Variants in HDAC8 observed in about 807,000 individuals in gnomAD.
HDAC8 encodes the protein histone deacetylase-like 1.
A neutral mutation model predicts 32.2 loss-of-function variants in HDAC8; 1 was observed. The ratio of observed to expected loss-of-function variants is 0.03; its 90% CI spans 0.01 to 0.15. The LOEUF (loss-of-function observed/expected upper bound fraction) is 0.15, where lower values mean the gene tolerates loss of function less well. Among genes scored for constraint, HDAC8 ranks in the 10% least tolerant of loss-of-function variants. The pLI, the probability that HDAC8 is intolerant of heterozygous loss-of-function variation, is 1.00. For synonymous variants in HDAC8, 108 were observed against 113.9 expected (o/e 0.95, Z 0.33); for missense variants, 117 against 300.0 (o/e 0.39, Z 4.51).
At position 72,572,731 on chromosome X, in the gene HDAC8, C is replaced by G. The variant is rs377557673; in HGVS notation, c.31G>C (p.Gly11Arg). Residue 11 changes from glycine (G) to arginine (R), a missense_variant, in exon 1 of 11, where the codon GGG becomes CGG. This residue lies in a region of HDAC8 where 37 missense variants were observed against 53.1 expected (regional missense o/e 0.70). Coordinates refer to ENST00000373573, the MANE Select transcript of HDAC8 (RefSeq NM_018486.3). ...ATATAAACCGGGACCAGCGACTGCCCACTGTCCGCCGGTTCCTCCGGCTCC... is the reference window on the plus strand; with the variant it reads ...ATATAAACCGGGACCAGCGACTGCCGACTGTCCGCCGGTTCCTCCGGCTCC... MEEPEEPADSGQSLVPVYIYS... is the reference protein window; with the variant it reads MEEPEEPADSRQSLVPVYIYS... 7.5e-6 allele frequency: 9 copies of G among 1,207,520 alleles called. No individual in the cohort carries two copies. The highest frequency in any genetic ancestry group is 1.0e-5 in the Non-Finnish European group (9 of 894,256).
intron 7 of HDAC8, among the ~76,000 whole-genome samples, chrX:72,488,301 G>A (rs2048747444): frequency 9.0e-6 from 1 of 110,754 alleles, no homozygotes; most frequent in South Asian, 3.9e-4. Flanking sequence ...GCCACCACTT[G>A]TGCCTGACCA....
At chrX:72,561,111 A>G (rs1474402836) in intron 4 of HDAC8, among the ~76,000 whole-genome samples, 3 of 112,142 alleles carry the variant, frequency 2.7e-5, no homozygotes, top group African/African-American at 9.7e-5. Context: ...TGTGAAAATG[A>G]CCATACTGCC....
chrX:72,391,305 G>A (rs1321353874), intron 9 of HDAC8, among the ~76,000 whole-genome samples: 1 of 112,444 alleles, frequency 8.9e-6, no homozygotes, highest in Non-Finnish European at 1.9e-5. Context: ...CTTCACAAGA[G>A]TAGGGGAGGC....
At chrX:72,446,178 T>C (rs1401523873) in intron 9 of HDAC8, among the ~76,000 whole-genome samples, 1 of 112,279 alleles carries the variant, frequency 8.9e-6, no homozygotes, top group Non-Finnish European at 1.9e-5. Context: ...AGCCATCCCA[T>C]TACTGGGTAT....
chrX:72,364,074 C>T (rs1001439533), intron 9 of HDAC8, among the ~76,000 whole-genome samples: 13 of 111,358 alleles, frequency 1.2e-4, no homozygotes, highest in African/African-American at 4.2e-4. Flanking sequence ...TCTGAGGGCA[C>T]GTAGTCATAT....
intron 4 of HDAC8, among the ~76,000 whole-genome samples, chrX:72,543,464 T>C (rs1416239934): frequency 2.7e-5 from 3 of 111,072 alleles, no homozygotes; most frequent in African/African-American, 9.8e-5. Context: ...GTAGCTGGTG[T>C]GAATTGGGCC....
chrX:72,495,126 G>T, intron 5 of HDAC8, 30 bp downstream of exon 5: 1 of 1,054,211 alleles, frequency 9.5e-7, no homozygotes, highest in Non-Finnish European at 1.3e-6. Context: ...TGTCCTCGCA[G>T]CAAAGCATCT....
At chrX:72,426,982 C>T (rs982052242) in intron 9 of HDAC8, among the ~76,000 whole-genome samples, 2 of 110,039 alleles carry the variant, frequency 1.8e-5, no homozygotes, top group Admixed American at 9.7e-5. Context: ...GAGAAGGAAG[C>T]GAGCCCTCAC....
intron 4 of HDAC8, among the ~76,000 whole-genome samples, chrX:72,527,772 CTTTTTTTT>C (rs1157041190): frequency 1.1e-5 from 1 of 89,536 alleles, no homozygotes; most frequent in East Asian, 3.5e-4. Context: ...TTTCTGACCT[CTTTTTTTT>C]TTTTTTTTTT....
chrX:72,549,908 G>C (rs930517888), intron 4 of HDAC8, among the ~76,000 whole-genome samples: 6 of 111,525 alleles, frequency 5.4e-5, no homozygotes, highest in African/African-American at 1.3e-4. Flanking sequence ...CTGTCCCTCT[G>C]GTTTAACGGC....
At chrX:72,467,257 C>T (rs1336085952) in intron 7 of HDAC8, 1 of 110,288 alleles carries the variant, frequency 9.1e-6, no homozygotes, top group Non-Finnish European at 1.9e-5. Flanking sequence ...ATGGCTTGTA[C>T]CAATGTCCAA....
At chrX:72,456,693 G>T (rs2047728098) in intron 9 of HDAC8, among the ~76,000 whole-genome samples, 1 of 111,123 alleles carries the variant, frequency 9.0e-6, no homozygotes, top group Non-Finnish European at 1.9e-5. Flanking sequence ...CAGCTACTGG[G>T]GAGGCTGAGG....
At chrX:72,566,566 T>C (rs1485995031) in intron 4 of HDAC8, among the ~76,000 whole-genome samples, 1 of 112,086 alleles carries the variant, frequency 8.9e-6, no homozygotes, top group Non-Finnish European at 1.9e-5. Context: ...GAAGTTGTGC[T>C]GTGTTTTATT....
intron 9 of HDAC8, among the ~76,000 whole-genome samples, chrX:72,402,110 G>A (rs2045917262): frequency 9.0e-6 from 1 of 110,990 alleles, no homozygotes; most frequent in Admixed American, 9.6e-5. Flanking sequence ...CTAGGTATTT[G>A]TCCATTTCAT....
chrX:72,380,510 C>G (rs782355626), intron 9 of HDAC8, among the ~76,000 whole-genome samples: 2 of 111,945 alleles, frequency 1.8e-5, no homozygotes, highest in African/African-American at 3.2e-5. Context: ...GTTTTCAAGG[C>G]TACCATTTCT....
Position 72,567,146 on chromosome X carries a change from A to AAAAC in HDAC8, c.437+739_437+742dup, listed in dbSNP as rs782451707. ...AACGACAGGGCGAGACTCTGTCTCA[A>AAAAC]AAACAAACAAACAAATAAACAAACA... On this transcript the variant is annotated intron_variant, in intron 4 of 10. Transcript: ENST00000373573. Among the ~76,000 whole-genome samples, 6 of 111,781 alleles carry AAAAC rather than the reference A, an allele frequency of 5.4e-5. No individual in the cohort carries two copies. The South Asian group carries it at 2.3e-3, about 43-fold the overall frequency.
intron 7 of HDAC8, chrX:72,474,662 T>C (rs906184886): frequency 8.3e-7 from 1 of 1,206,037 alleles, no homozygotes; most frequent in Non-Finnish European, 1.1e-6. Context: ...GACAAGGCTA[T>C]GCAAATGGGG....
chrX:72,436,968 TA>T (rs2046968179), intron 9 of HDAC8, among the ~76,000 whole-genome samples: 1 of 111,779 alleles, frequency 8.9e-6, no homozygotes, highest in Admixed American at 9.5e-5. Context: ...TATAGATAAA[TA>T]AAAAATAAAA....
chrX:72,563,163 T>C (rs2051644365), intron 4 of HDAC8, among the ~76,000 whole-genome samples: 1 of 111,916 alleles, frequency 8.9e-6, no homozygotes, highest in African/African-American at 3.2e-5. Flanking sequence ...ATTACAGGCA[T>C]GAGCCACTGC....
Sources: gnomAD v4.1 joint callset for allele counts (sites outside exome capture counted in the v4.1 genomes callset) on GRCh38, gnomAD v4.1.1 for gene constraint, gnomAD v4.1.1 regional missense constraint, MANE v1.5 for transcripts, NCBI Gene and HGNC (gene_info 2026-07-23, HGNC 2026-07-21) for gene names.